The following MAP3K13 variants were observed in gnomAD, a reference collection of about 807,000 sequenced individuals.
MAP3K13 encodes the protein leucine zipper-bearing kinase.
A neutral mutation model predicts 104.0 loss-of-function variants in MAP3K13; 52 were observed. The observed-to-expected ratio is 0.50, with a 90% CI of 0.40 to 0.63. The LOEUF (loss-of-function observed/expected upper bound fraction) is 0.63, where lower values mean the gene tolerates loss of function less well. Ranked by LOEUF, MAP3K13 falls within the 20% of genes least tolerant of loss-of-function variation. MAP3K13 has a pLI of 0.00. For missense variants in MAP3K13, 914 were observed against 1,218.5 expected, an observed-to-expected ratio of 0.75 and a Z score of 3.72; for synonymous variants, 394 against 442.2, an observed-to-expected ratio of 0.89 and a Z score of 1.37.
chr3:185,443,627 A>G lies in MAP3K13; in HGVS notation c.842A>G (p.Lys281Arg). ...HLHKIIHRDL[K>R]SPNVLVTHTD... ...CATAAAATTATTCATCGTGATCTCAAATCACCTAAGTGAGTTCTGGGGCTA... is the reference window on the plus strand; with the variant it reads ...CATAAAATTATTCATCGTGATCTCAGATCACCTAAGTGAGTTCTGGGGCTA... The change falls in exon 4 of 14, where the codon AAA becomes AGA. Residue 281 changes from lysine to arginine, a missense_variant. Coordinates refer to ENST00000265026, the MANE Select transcript of MAP3K13 (RefSeq NM_004721.5). The G allele has an allele frequency of 6.2e-7, 1 of 1,613,552 alleles. No individual in the cohort carries two copies. Among genetic ancestry groups the G allele is most frequent in the Non-Finnish European group, 8.5e-7 (1 of 1,179,584 alleles).
intron 1 of MAP3K13, among the ~76,000 whole-genome samples, chr3:185,385,457 A>G (rs1282221467): frequency 3.3e-5 from 5 of 152,138 alleles, no homozygotes; most frequent in Admixed American, 3.3e-4. Flanking sequence ...GCAGGTGGGA[A>G]CCACCATGCC....
At chr3:185,461,455 A>G (rs561310337) in intron 7 of MAP3K13, among the ~76,000 whole-genome samples, 1 of 152,306 alleles carries the variant, frequency 6.6e-6, no homozygotes, top group African/African-American at 2.4e-5. Flanking sequence ...AAAACCTTCT[A>G]TAAATCCACA....
At chr3:185,375,699 C>T (rs546277242) in intron 1 of MAP3K13, among the ~76,000 whole-genome samples, 4 of 152,142 alleles carry the variant, frequency 2.6e-5, no homozygotes, top group Non-Finnish European at 5.9e-5. Context: ...TCAGCATAAG[C>T]ATTGTCCTGA....
intron 1 of MAP3K13, among the ~76,000 whole-genome samples, chr3:185,389,012 T>C (rs905444473): frequency 3.3e-5 from 5 of 152,084 alleles, no homozygotes; most frequent in African/African-American, 9.7e-5. Context: ...GGTTAGGGAG[T>C]TGACCTTCTT....
At position 185,335,517 on chromosome 3, in the gene MAP3K13, G is replaced by A. The variant is rs148468477; in HGVS notation, c.-86+49874G>A. Among the ~76,000 whole-genome samples, 595 of 152,162 alleles carry A rather than the reference G, an allele frequency of 3.9e-3. 7 individuals are homozygous for A. Among genetic ancestry groups the A allele is most frequent in the Admixed American group, 0.024 (360 of 15,266 alleles). Reference sequence around the variant, plus strand: ...TAAGAGGGGCAAAGAGTGACTAAAGGTGCAAAGCATTTTTCATTTTCCTTG... The same window carrying A: ...TAAGAGGGGCAAAGAGTGACTAAAGATGCAAAGCATTTTTCATTTTCCTTG... On this transcript the variant is annotated intron_variant, in intron 2 of 14. Transcript: ENST00000424227.
chr3:185,369,347 C>A (rs1016379101), intron 1 of MAP3K13, among the ~76,000 whole-genome samples: 3 of 151,936 alleles, frequency 2.0e-5, no homozygotes, highest in Non-Finnish European at 4.4e-5. Flanking sequence ...AGTCAGGCAC[C>A]CTGAGATGTA....
chr3:185,292,703 A>C (rs1720786351), intron 2 of MAP3K13: 9 of 985,338 alleles, frequency 9.1e-6, no homozygotes, highest in Non-Finnish European at 1.1e-5. Flanking sequence ...CACTGAAAGC[A>C]TGTACCATGT....
At position 185,482,028 on chromosome 3, in the gene MAP3K13, G is replaced by A. The variant is rs367901733; in HGVS notation, c.2800-327G>A. Among the ~76,000 whole-genome samples, 19 of 152,350 alleles carry A rather than the reference G, an allele frequency of 1.2e-4. No homozygotes were observed. In the East Asian group the frequency reaches 2.7e-3, roughly 22 times the overall value. ...GAATCCGGGAGGCGGAGGTTGCAGC[G>A]AGCCAAGATCGTGCCACTGCACTCC... On this transcript the variant is annotated intron_variant, in intron 13 of 13. Coordinates refer to ENST00000265026, the MANE Select transcript of MAP3K13 (RefSeq NM_004721.5). This position sits in a 1 kb window ranked among gnomAD's most constrained non-coding sequence, Gnocchi z 4.5.
chr3:185,396,799 G>C (rs774241218), intron 1 of MAP3K13, among the ~76,000 whole-genome samples: 2 of 152,032 alleles, frequency 1.3e-5, no homozygotes, highest in African/African-American at 4.8e-5. Context: ...CAGAAGGGTC[G>C]GTGTGGTGAA....
chr3:185,435,231 C>T (rs1425992444), intron 2 of MAP3K13, among the ~76,000 whole-genome samples: 1 of 150,462 alleles, frequency 6.6e-6, no homozygotes, highest in Non-Finnish European at 1.5e-5. Context: ...AGGCTGGTCT[C>T]GAACTCCTGA....
At position 185,408,698 on chromosome 3, in the gene MAP3K13, C is replaced by T. The variant is rs552927562; in HGVS notation, c.-85-19799C>T. On this transcript the variant is annotated intron_variant, in intron 1 of 13. Transcript: ENST00000265026. ...ATATTTACATAACTGTCAAAGACTT[C>T]ACAGCAGATAAGTGGCTAGGAATCA... 3.3e-5 allele frequency among the ~76,000 whole-genome samples: 5 copies of T among 152,266 alleles called. No homozygotes were observed. In the South Asian group the frequency reaches 1.0e-3, roughly 32 times the overall value.
At chr3:185,365,659 G>A (rs937711128) in intron 1 of MAP3K13, among the ~76,000 whole-genome samples, 5 of 151,782 alleles carry the variant, frequency 3.3e-5, no homozygotes, top group Non-Finnish European at 7.4e-5. Context: ...ACAGTTTGTT[G>A]CAAAAAAATA....
exon 2 of MAP3K13, chr3:185,285,594 A>G: frequency 6.5e-7 from 1 of 1,533,084 alleles, no homozygotes. Flanking sequence ...ATGGACAAAA[A>G]CATGAGTCAA....
chr3:185,481,500 A>AT (rs397962983), intron 13 of MAP3K13, among the ~76,000 whole-genome samples: 28 of 151,118 alleles, frequency 1.9e-4, no homozygotes, highest in Non-Finnish European at 3.5e-4. Flanking sequence ...AAAAAAAAAA[A>AT]TTATTTTAAA....
chr3:185,377,560 A>T (rs1371422450), intron 1 of MAP3K13, among the ~76,000 whole-genome samples: 1 of 152,200 alleles, frequency 6.6e-6, no homozygotes, highest in Non-Finnish European at 1.5e-5. Context: ...AAAGGAGTGC[A>T]TAAAAGAATG....
rs1454486136 is a variant in MAP3K13, at chr3:185,454,857, A to C, written c.1278+3462A>C. On this transcript the variant is annotated intron_variant, in intron 7 of 13. Transcript: ENST00000265026. ...CATGATATATATATGAGATATATAC[A>C]TGATATATATATGAGATATATATAT... Among the ~76,000 whole-genome samples, 3 of 61,088 alleles carry C rather than the reference A, an allele frequency of 4.9e-5. No individual in the cohort carries two copies. The East Asian group carries it at 1.0e-3, about 21-fold the overall frequency. 40.1% of individuals were successfully genotyped at this position (61,088 alleles called of 152,430 possible).
At chr3:185,449,856 T>G (rs1192055487) in intron 5 of MAP3K13, 44 bp from the exon 6 acceptor site, 1 of 1,515,542 alleles carries the variant, frequency 6.6e-7, no homozygotes. Flanking sequence ...TACAAATCAG[T>G]CTTTCTGAAA....
intron 1 of MAP3K13, among the ~76,000 whole-genome samples, chr3:185,368,998 G>T (rs893989875): frequency 8.0e-5 from 12 of 149,788 alleles, no homozygotes; most frequent in African/African-American, 2.7e-4. Context: ...CAAGTATAAA[G>T]GTGTTGTCAT....
At chr3:185,448,211 G>A (rs1044577174) in intron 5 of MAP3K13, 7 of 517,978 alleles carry the variant, frequency 1.4e-5, no homozygotes, top group Non-Finnish European at 2.1e-5. Flanking sequence ...CTAGGAAACT[G>A]AAAGTTTACT....
Sources: gnomAD v4.1 joint callset for allele counts (sites outside exome capture counted in the v4.1 genomes callset) on GRCh38, gnomAD v4.1.1 for gene constraint, Gnocchi (gnomAD v3.1) non-coding constraint, MANE v1.5 for transcripts, NCBI Gene and HGNC (gene_info 2026-07-23, HGNC 2026-07-21) for gene names.